ONECUT2: variants seen among roughly 807,000 people sequenced by gnomAD.
ONECUT2 encodes one cut domain family member 2.
Under a neutral mutation model 27.9 loss-of-function variants are expected in ONECUT2, and 10 were observed. The ratio of observed to expected loss-of-function variants is 0.36; its 90% CI spans 0.22 to 0.61. The LOEUF (loss-of-function observed/expected upper bound fraction) is 0.61. Among genes scored for constraint, ONECUT2 ranks in the 20% least tolerant of loss-of-function variants. The pLI is 0.73. For synonymous variants in ONECUT2, 334 were observed against 315.1 expected, an observed-to-expected ratio of 1.06 and a Z score of -0.64; for missense variants, 686 against 721.0, an observed-to-expected ratio of 0.95 and a Z score of 0.56.
Position 57,436,504 on chromosome 18 carries a change from A to G in ONECUT2, c.788A>G (p.Asp263Gly). The change falls in exon 1 of 2, where the codon GAC becomes GGC. Residue 263 changes from aspartate (D) to glycine (G), a missense_variant. By Grantham distance (94) the Asp-to-Gly change is moderately conservative (BLOSUM62 -1). Coordinates refer to ENST00000491143, the MANE Select transcript of ONECUT2 (RefSeq NM_004852.3). The surrounding 1 kb of genome is among the most constrained non-coding windows in gnomAD (Gnocchi z 5.9). ...GACAAAATGCTCAGCCCCAACTTCG[A>G]CGCGCACCACACTGCCATGCTGACC... ...GHDKMLSPNF[D>G]AHHTAMLTRG... 6.2e-7 allele frequency: 1 copy of G among 1,613,196 alleles called. No homozygotes were observed. Among genetic ancestry groups the G allele is most frequent in the Non-Finnish European group, 8.5e-7 (1 of 1,179,868 alleles).
chr18:57,435,714 T>C lies in ONECUT2; in HGVS notation c.-3T>C. 8.7e-7 allele frequency: 1 copy of C among 1,149,964 alleles called. No homozygotes were observed. Among genetic ancestry groups the C allele is most frequent in the Non-Finnish European group, 1.1e-6 (1 of 898,796 alleles). The allele number at this position is 1,149,964 out of a possible 1,614,324, so 71.2% of individuals were successfully genotyped here. The stretch of plus-strand genomic sequence containing the variant: ...CCGCCGCCCCCGGGCCCTGATGGAC[T>C]GAATGAAGGCTGCCTACACCGCCTA... On this transcript the variant is annotated 5_prime_UTR_variant, in exon 1 of 2. It removes the in-frame stop codon of an upstream open reading frame in the 5' UTR. Coordinates refer to ENST00000491143, the MANE Select transcript of ONECUT2 (RefSeq NM_004852.3).
intron 1 of ONECUT2, chr18:57,467,216 C>T (rs985317168): frequency 6.6e-6 from 3 of 456,132 alleles, no homozygotes; most frequent in Non-Finnish European, 1.3e-5. Context: ...TGCCTCCAGC[C>T]GACAGTAAGT....
intron 1 of ONECUT2, among the ~76,000 whole-genome samples, chr18:57,448,018 T>C (rs1307678465): frequency 6.6e-6 from 1 of 152,178 alleles, no homozygotes; most frequent in Non-Finnish European, 1.5e-5. Context: ...GAACTGACAG[T>C]AGGCACTGAC....
intron 1 of ONECUT2, among the ~76,000 whole-genome samples, chr18:57,474,592 T>C (rs894177682): frequency 2.0e-5 from 3 of 152,166 alleles, no homozygotes; most frequent in African/African-American, 7.2e-5. Context: ...GCTTATTTTA[T>C]AAGGGCACTA....
Position 57,436,229 on chromosome 18 carries a change from CCCGCACCACCAT to C in ONECUT2, c.525_536del (p.Pro176_His179del), listed in dbSNP as rs1598926852. The C allele has an allele frequency of 1.2e-5, 20 of 1,603,716 alleles. No homozygotes were observed. The highest frequency in any genetic ancestry group is 1.7e-4 in the Middle Eastern group (1 of 6,058). The stretch of plus-strand genomic sequence containing the variant: ...TGTCTGACAAGTTCCACCACCCTCA[CCCGCACCACCAT>C]CCGCACCACCACCACCACCACCACC... On this transcript the variant is annotated inframe_deletion, in exon 1 of 2. Coordinates refer to ENST00000491143, the MANE Select transcript of ONECUT2 (RefSeq NM_004852.3). The surrounding 1 kb of genome is among the most constrained non-coding windows in gnomAD (Gnocchi z 5.9).
Position 57,467,425 on chromosome 18 carries a change from G to A in ONECUT2, c.1229-9012G>A, listed in dbSNP as rs138727526. On this transcript the variant is annotated intron_variant, in intron 1 of 1. Coordinates refer to ENST00000491143, the MANE Select transcript of ONECUT2 (RefSeq NM_004852.3). ...CTGTCACCCAGGCGGGAGCGCAATGGCGTGATCTTGGCTCACTGCAATCTC... is the reference window on the plus strand; with the variant it reads ...CTGTCACCCAGGCGGGAGCGCAATGACGTGATCTTGGCTCACTGCAATCTC... Among the ~76,000 whole-genome samples the A allele has an allele frequency of 3.8e-3, 580 of 152,162 alleles. 2 individuals are homozygous for A. The highest frequency in any genetic ancestry group is 0.014 in the African/African-American group (567 of 41,518).
chr18:57,452,695 G>C (rs2050237600), intron 1 of ONECUT2, among the ~76,000 whole-genome samples: 1 of 152,212 alleles, frequency 6.6e-6, no homozygotes, highest in African/African-American at 2.4e-5. Context: ...AAAGTGCTGG[G>C]ATTACAGGCG....
At chr18:57,459,806 G>C (rs569951501) in intron 1 of ONECUT2, among the ~76,000 whole-genome samples, 1 of 152,140 alleles carries the variant, frequency 6.6e-6, no homozygotes, top group Non-Finnish European at 1.5e-5. Flanking sequence ...TGATCCACCC[G>C]CCTCAGCCTC....
At chr18:57,445,498 AT>A (rs1003022937) in intron 1 of ONECUT2, among the ~76,000 whole-genome samples, 1 of 151,974 alleles carries the variant, frequency 6.6e-6, no homozygotes, top group African/African-American at 2.4e-5. Context: ...TCCATTTGTG[AT>A]TTTTTTCAAC....
At chr18:57,454,431 C>G (rs2050247519) in intron 1 of ONECUT2, among the ~76,000 whole-genome samples, 1 of 152,126 alleles carries the variant, frequency 6.6e-6, no homozygotes, top group African/African-American at 2.4e-5. Context: ...CAGTTTGTAT[C>G]TGAGCCACCA....
At chr18:57,457,885 C>T (rs558957011) in intron 1 of ONECUT2, among the ~76,000 whole-genome samples, 9 of 152,182 alleles carry the variant, frequency 5.9e-5, no homozygotes, top group South Asian at 2.1e-4. Flanking sequence ...GAAAAGCAAA[C>T]GCTGCATGCT....
intron 1 of ONECUT2, among the ~76,000 whole-genome samples, chr18:57,439,666 C>T (rs1423293880): frequency 1.3e-5 from 2 of 152,114 alleles, no homozygotes; most frequent in African/African-American, 2.4e-5. Flanking sequence ...GAGTATCGAT[C>T]GGAATCCCCG....
chr18:57,467,562 T>C (rs1052574121), intron 1 of ONECUT2, among the ~76,000 whole-genome samples: 22 of 152,260 alleles, frequency 1.4e-4, no homozygotes, highest in African/African-American at 5.1e-4. Flanking sequence ...AGACAGGGTT[T>C]CACCATGTTA....
At chr18:57,454,507 G>C (rs979526227) in intron 1 of ONECUT2, among the ~76,000 whole-genome samples, 1 of 152,142 alleles carries the variant, frequency 6.6e-6, no homozygotes, top group Non-Finnish European at 1.5e-5. Context: ...TCCTCTGTAG[G>C]AGGAGGACAA....
In ONECUT2 at chr18:57,477,143, T is replaced by C. The variant is rs960744950; in HGVS notation, c.*420T>C. On this transcript the variant is annotated 3_prime_UTR_variant, in exon 2 of 2. Coordinates refer to ENST00000491143, the MANE Select transcript of ONECUT2 (RefSeq NM_004852.3). ...TGAGTAACAATAGGAGTTTGGCCTA[T>C]GTAAGGACTCTGAGTTTAGGCTTCC... 2.7e-5 allele frequency: 5 copies of C among 183,530 alleles called. No homozygotes were observed. The highest frequency in any genetic ancestry group is 5.7e-5 in the Non-Finnish European group (5 of 86,964). 11.4% of individuals were successfully genotyped at this position (183,530 alleles called of 1,614,324 possible). A position where few individuals can be genotyped will look rare whatever the true frequency, so the allele number is the denominator to read the frequency against.
intron 1 of ONECUT2, among the ~76,000 whole-genome samples, chr18:57,458,791 T>C (rs1306934866): frequency 2.6e-5 from 4 of 152,090 alleles, no homozygotes; most frequent in Non-Finnish European, 4.4e-5. Flanking sequence ...GTAATTTTGA[T>C]AGGCACTACC....
rs1024482346 is a variant in ONECUT2 at position 57,484,410 on chromosome 18, G to A, written c.*7687G>A. ...ATATGGTATGTACAGCCACAGCTCA[G>A]ATACCCCAAAGAAATAATTATCTAT... On this transcript the variant is annotated 3_prime_UTR_variant, in exon 2 of 2. Transcript: ENST00000491143. The A allele has an allele frequency of 6.6e-6, 1 of 152,592 alleles. No homozygotes were observed. The highest frequency in any genetic ancestry group is 2.4e-5 in the African/African-American group (1 of 41,422). The allele number at this position is 152,592 out of a possible 1,614,324, so 9.5% of individuals were successfully genotyped here.
intron 1 of ONECUT2, among the ~76,000 whole-genome samples, chr18:57,437,591 G>A (rs903730485): frequency 6.6e-6 from 1 of 152,226 alleles, no homozygotes; most frequent in African/African-American, 2.4e-5. Context: ...CTTGGCGTTG[G>A]CGCAGGGACT....
In ONECUT2 at chr18:57,477,997, C is replaced by A. The variant is rs1482448543; in HGVS notation, c.*1274C>A. ...ATACATCTGGAGAAAACACAGCACA[C>A]CAAAGAAGCAGAATACTGCAAACCA... On this transcript the variant is annotated 3_prime_UTR_variant, in exon 2 of 2. Transcript: ENST00000491143. 5.2e-5 allele frequency: 8 copies of A among 152,734 alleles called. No individual in the cohort carries two copies. The East Asian group carries it at 1.5e-3, about 29-fold the overall frequency. The allele number at this position is 152,734 out of a possible 1,614,324, so 9.5% of individuals were successfully genotyped here.
Sources: allele counts gnomAD v4.1 joint callset (sites outside exome capture counted in the v4.1 genomes callset), GRCh38; gene constraint gnomAD v4.1.1; non-coding constraint Gnocchi (gnomAD v3.1); transcripts MANE v1.5; gene names NCBI Gene and HGNC (gene_info 2026-07-23, HGNC 2026-07-21).